Variants in FBXO16 observed in about 807,000 individuals in gnomAD.
The protein encoded by FBXO16 is F-box protein 16.
In FBXO16, 31 loss-of-function variants were observed where a neutral mutation model predicts 41.0. That is an observed-to-expected ratio of 0.76 (90% CI 0.57 to 1.02). The LOEUF is 1.02. Ranked by LOEUF, FBXO16 falls within the 50% of genes least tolerant of loss-of-function variation. The probability of loss-of-function intolerance (pLI) is 0.00; values close to 1 mark genes in which losing one functional copy is unlikely to be tolerated. For missense variants in FBXO16, 361 were observed against 346.2 expected, an observed-to-expected ratio of 1.04 and a Z score of -0.34; for synonymous variants, 133 against 117.8, an observed-to-expected ratio of 1.13 and a Z score of -0.84.
chr8:28,485,881 G>T (rs199856626), intron 1 of FBXO16, among the ~76,000 whole-genome samples: 1 of 152,286 alleles, frequency 6.6e-6, no homozygotes, highest in South Asian at 2.1e-4. Context: ...GCTGAGGCAG[G>T]CGGATCACCT....
At chr8:28,444,379 T>G (rs1802827868) in intron 7 of FBXO16, among the ~76,000 whole-genome samples, 1 of 150,378 alleles carries the variant, frequency 6.6e-6, no homozygotes. Flanking sequence ...CTCGGCTCAC[T>G]GCAACCTCCG....
chr8:28,449,769 C>T (rs1288643000), intron 6 of FBXO16, among the ~76,000 whole-genome samples: 2 of 151,712 alleles, frequency 1.3e-5, no homozygotes, highest in South Asian at 2.1e-4. Context: ...GTTAGGAGTT[C>T]GAGACCAGCC....
At chr8:28,460,736 T>C (rs1333060461) in intron 4 of FBXO16, among the ~76,000 whole-genome samples, 1 of 152,028 alleles carries the variant, frequency 6.6e-6, no homozygotes, top group Non-Finnish European at 1.5e-5. Context: ...CCGACCTGAC[T>C]AATTTTTAAC....
At chr8:28,458,531 T>A (rs1803072675) in intron 4 of FBXO16, among the ~76,000 whole-genome samples, 1 of 145,236 alleles carries the variant, frequency 6.9e-6, no homozygotes, top group Non-Finnish European at 1.5e-5. Flanking sequence ...CCTTTTCTCC[T>A]CTTCTTCTTC....
intron 2 of FBXO16, among the ~76,000 whole-genome samples, chr8:28,474,315 T>A (rs1803384121): frequency 1.0e-4 from 1 of 9,754 alleles, no homozygotes; most frequent in Non-Finnish European, 2.2e-4. Context: ...CCAGACCCTG[T>A]CAAAAAAAAA....
intron 7 of FBXO16, among the ~76,000 whole-genome samples, chr8:28,438,352 T>G (rs1471458361): frequency 6.6e-6 from 1 of 151,678 alleles, no homozygotes; most frequent in Non-Finnish European, 1.5e-5. Context: ...TGAAACTGAC[T>G]ATAAGGAAGA....
At chr8:28,489,464 C>T (rs926101049) in intron 1 of FBXO16, among the ~76,000 whole-genome samples, 3 of 147,790 alleles carry the variant, frequency 2.0e-5, no homozygotes. Context: ...CTCTTGAGCC[C>T]AGGAGTTGAA....
intron 7 of FBXO16, among the ~76,000 whole-genome samples, chr8:28,444,779 CTTT>C (rs71549666): frequency 3.2e-4 from 10 of 30,822 alleles, no homozygotes; most frequent in East Asian, 1.7e-3. Context: ...CGCGCCCGGA[CTTT>C]TTTTTTTTTT....
At chr8:28,483,555 A>C in intron 1 of FBXO16, 93 bp from the exon 2 acceptor site, 2 of 848,832 alleles carry the variant, frequency 2.4e-6, no homozygotes, top group South Asian at 1.6e-5. Context: ...ACGATGGCTC[A>C]CGCCTGTAAT....
intron 4 of FBXO16, among the ~76,000 whole-genome samples, chr8:28,457,863 C>G (rs1803062324): frequency 6.6e-6 from 1 of 152,120 alleles, no homozygotes; most frequent in African/African-American, 2.4e-5. Flanking sequence ...ATGTACATAC[C>G]AGTTCCACAG....
chr8:28,447,326 G>A lies in FBXO16; in HGVS notation c.741-53C>T, dbSNP rs79573885. On this transcript the variant is annotated intron_variant, in intron 6 of 8. Transcript: ENST00000380254. The stretch of plus-strand genomic sequence containing the variant: ...TACAAAGTATCTTTTTAAAACTCAG[G>A]TGGTTTGCATAGCTATTTGTCTGTT... The A allele has an allele frequency of 2.7e-4, 402 of 1,477,072 alleles. 2 individuals carry two copies. In the East Asian group the frequency reaches 7.2e-3, roughly 26 times the overall value. 91.5% of individuals were successfully genotyped at this position (1,477,072 alleles called of 1,614,324 possible). A position where few individuals can be genotyped will look rare whatever the true frequency, so the allele number is the denominator to read the frequency against.
chr8:28,464,714 T>C lies in FBXO16; in HGVS notation c.136-896A>G, dbSNP rs557046823. 2.6e-5 allele frequency among the ~76,000 whole-genome samples: 4 copies of C among 152,266 alleles called. No homozygotes were observed. In the East Asian group the frequency reaches 7.7e-4, roughly 29 times the overall value. On this transcript the variant is annotated intron_variant, in intron 3 of 8. Transcript: ENST00000380254. ...TGTTGCCTAGATTGGAGTGCAGTGGTGTGATCTTGGCTCACTGCAACCTCC... is the reference window on the plus strand; with the variant it reads ...TGTTGCCTAGATTGGAGTGCAGTGGCGTGATCTTGGCTCACTGCAACCTCC...
intron 1 of FBXO16, among the ~76,000 whole-genome samples, chr8:28,489,129 CAA>C (rs1275088056): frequency 6.6e-6 from 1 of 151,804 alleles, no homozygotes; most frequent in African/African-American, 2.4e-5. Context: ...CTCAGGAGTT[CAA>C]GACCAGCCTG....
In FBXO16 at chr8:28,463,616, G is replaced by T; in HGVS notation, c.338C>A (p.Ala113Glu). 2 of 1,613,810 alleles carry T rather than the reference G, an allele frequency of 1.2e-6. No individual in the cohort carries two copies. Among genetic ancestry groups the T allele is most frequent in the Non-Finnish European group, 1.7e-6 (2 of 1,179,964 alleles). The change falls in exon 4 of 9, where the codon GCA becomes GAA. Residue 113 changes from alanine (A) to glutamate (E), a missense_variant. Coordinates refer to ENST00000380254, the MANE Select transcript of FBXO16 (RefSeq NM_172366.4). ...FLDPRSLCRC[A>E]QVCWHWKNLA... ...ATACCCCTTCCTTGCCTTTACCTGTGCACAACGACAAAGGCTCCGAGGGTC... is the reference window on the plus strand; with the variant it reads ...ATACCCCTTCCTTGCCTTTACCTGTTCACAACGACAAAGGCTCCGAGGGTC...
At position 28,483,420 on chromosome 8, in the gene FBXO16, G is replaced by T; in HGVS notation, c.27C>A (p.Asn9Lys). 6.2e-7 allele frequency: 1 copy of T among 1,614,028 alleles called. No homozygotes were observed. Among genetic ancestry groups the T allele is most frequent in the Non-Finnish European group, 8.5e-7 (1 of 1,179,964 alleles). MMAFAPPK[N>K]TDGPKMQTKM... The stretch of plus-strand genomic sequence containing the variant: ...TTGTCTGCATTTTGGGACCATCTGT[G>T]TTTTTTGGAGGTGCAAATGCCATCA... Residue 9 changes from asparagine to lysine, a missense_variant, in exon 2 of 9, where the codon AAC becomes AAA. Coordinates refer to ENST00000380254, the MANE Select transcript of FBXO16 (RefSeq NM_172366.4).
chr8:28,442,103 C>T (rs1802790618), intron 7 of FBXO16, among the ~76,000 whole-genome samples: 1 of 151,390 alleles, frequency 6.6e-6, no homozygotes, highest in African/African-American at 2.4e-5. Flanking sequence ...ACCACCATGC[C>T]TAATTTTTGT....
intron 7 of FBXO16, among the ~76,000 whole-genome samples, chr8:28,440,792 C>T (rs1802759958): frequency 6.6e-6 from 1 of 152,162 alleles, no homozygotes; most frequent in African/African-American, 2.4e-5. Flanking sequence ...TCTGAAACGG[C>T]AGGCTTTTTG....
intron 7 of FBXO16, among the ~76,000 whole-genome samples, chr8:28,434,705 T>A (rs1385453145): frequency 6.6e-6 from 1 of 152,230 alleles, no homozygotes; most frequent in Non-Finnish European, 1.5e-5. Flanking sequence ...TCTCGGCCCC[T>A]TTGCCAGACT....
intron 5 of FBXO16, 60 bp from the exon 6 acceptor site, chr8:28,452,536 C>T (rs1435603566): frequency 1.3e-6 from 2 of 1,534,972 alleles, no homozygotes; most frequent in East Asian, 2.3e-5. Context: ...TGCGGTGGCT[C>T]ACGCCTGTAA....
Sources: allele counts gnomAD v4.1 joint callset (sites outside exome capture counted in the v4.1 genomes callset), GRCh38; gene constraint gnomAD v4.1.1; transcripts MANE v1.5; gene names NCBI Gene and HGNC (gene_info 2026-07-23, HGNC 2026-07-21).